Variants in NBEA observed in about 807,000 individuals in gnomAD.
NBEA encodes lysosomal-trafficking regulator 2.
NBEA carries 44 observed loss-of-function variants against 343.4 expected under a neutral mutation model. That is an observed-to-expected ratio of 0.13 (90% confidence interval 0.10 to 0.16). The LOEUF (loss-of-function observed/expected upper bound fraction) is 0.16, where lower values mean the gene tolerates loss of function less well. Ranked by LOEUF, NBEA falls within the 10% of genes least tolerant of loss-of-function variation. The pLI is 1.00. For missense variants in NBEA, 2,555 were observed against 3,631.3 expected, an observed-to-expected ratio of 0.70 and a Z score of 7.62; for synonymous variants, 1,175 against 1,238.7, an observed-to-expected ratio of 0.95 and a Z score of 1.08.
At chr13:35,475,300 T>C (rs1284335390) in intron 41 of NBEA, 1 of 1,613,970 alleles carries the variant, frequency 6.2e-7, no homozygotes. Context: ...TTCACACTCG[T>C]AGGAAACCAG....
intron 1 of NBEA, among the ~76,000 whole-genome samples, chr13:35,037,038 T>C (rs1341651784): frequency 6.6e-6 from 1 of 152,172 alleles, no homozygotes; most frequent in Non-Finnish European, 1.5e-5. Flanking sequence ...ACCTCTTAGA[T>C]TTGCCCTTTT....
At chr13:35,191,726 G>T (rs547462652) in intron 30 of NBEA, among the ~76,000 whole-genome samples, 39 of 151,972 alleles carry the variant, frequency 2.6e-4, no homozygotes, top group African/African-American at 8.9e-4. Context: ...TATTTGAAGT[G>T]CCAAAGCTTA....
chr13:34,946,414 A>G (rs1466773161), intron 1 of NBEA, among the ~76,000 whole-genome samples: 1 of 152,136 alleles, frequency 6.6e-6, no homozygotes, highest in Non-Finnish European at 1.5e-5. Context: ...TGCTTATAAC[A>G]TGGAAGTTTC....
intron 38 of NBEA, among the ~76,000 whole-genome samples, chr13:35,416,707 TTG>T (rs1390143491): frequency 6.6e-6 from 1 of 152,150 alleles, no homozygotes; most frequent in Non-Finnish European, 1.5e-5. Flanking sequence ...CTCTTTTTTG[TTG>T]TGTGTCTGCC....
chr13:35,518,634 C>T (rs1360191867), intron 41 of NBEA, among the ~76,000 whole-genome samples: 1 of 152,164 alleles, frequency 6.6e-6, no homozygotes, highest in Non-Finnish European at 1.5e-5. Context: ...ACTTGTTAAA[C>T]TTAGGGAAAG....
rs1029632249 is a variant in NBEA, at chr13:35,593,348, C to T, written c.7197C>T (p.Phe2399=). 1.9e-6 allele frequency: 3 copies of T among 1,612,642 alleles called. No individual in the cohort carries two copies. Among genetic ancestry groups the T allele is most frequent in the Admixed American group, 3.3e-5 (2 of 59,914 alleles). Reference sequence around the variant, plus strand: ...CTTAGGAACCTTTCACAACCTTCTTCCTCAATGCAAATGATGGAAAATTTG... The same window carrying T: ...CTTAGGAACCTTTCACAACCTTCTTTCTCAATGCAAATGATGGAAAATTTG... ...LVRIEPFTTF[F]LNANDGKFDH... is the part of the protein sequence containing the mutation. The change falls in exon 47 of 59, where the codon TTC becomes TTT. Residue 2399 remains phenylalanine, a synonymous_variant. Coordinates refer to ENST00000379939, the MANE Select transcript of NBEA (RefSeq NM_001385012.1).
chr13:35,244,952 A>G (rs1389559852), intron 34 of NBEA, among the ~76,000 whole-genome samples: 3 of 152,052 alleles, frequency 2.0e-5, no homozygotes, highest in Non-Finnish European at 2.9e-5. Flanking sequence ...CATTAACTTT[A>G]TATACTGAAA....
chr13:35,475,641 G>A, intron 41 of NBEA: 1 of 1,613,802 alleles, frequency 6.2e-7, no homozygotes, highest in Non-Finnish European at 8.5e-7. Flanking sequence ...TCTGCACCAC[G>A]TACCTATCTC....
In NBEA at chr13:34,943,065, A is replaced by C; in HGVS notation, c.245A>C (p.Gln82Pro). ...TTCGCAGTGTTGATTGGACTCATAC[A>C]GGTCGGAGAGGTCAGCAACAGGGAC... ...MKFAVLIGLI[Q>P]VGEVSNRDIV... Residue 82 changes from glutamine (Q) to proline (P), a missense_variant, in exon 1 of 59, where the codon CAG becomes CCG. Physicochemically the swap from Gln to Pro is moderately conservative, Grantham distance 76 (BLOSUM62 -1). Coordinates refer to ENST00000379939, the MANE Select transcript of NBEA (RefSeq NM_001385012.1). 6.2e-7 allele frequency: 1 copy of C among 1,613,672 alleles called. No homozygotes were observed. The highest frequency in any genetic ancestry group is 8.5e-7 in the Non-Finnish European group (1 of 1,179,754).
intron 36 of NBEA, among the ~76,000 whole-genome samples, chr13:35,329,344 T>G (rs926861556): frequency 6.7e-6 from 1 of 149,854 alleles, no homozygotes; most frequent in Non-Finnish European, 1.5e-5. Context: ...GCCTAGGTAT[T>G]TGCCCAAGAG....
intron 38 of NBEA, among the ~76,000 whole-genome samples, chr13:35,398,941 C>G (rs921373022): frequency 2.6e-5 from 4 of 152,150 alleles, no homozygotes; most frequent in Admixed American, 1.3e-4. Context: ...AAGGCTGTTT[C>G]ATCTACATTG....
At chr13:35,422,325 T>A (rs868772458) in intron 38 of NBEA, among the ~76,000 whole-genome samples, 31 of 114,054 alleles carry the variant, frequency 2.7e-4, no homozygotes, top group African/African-American at 9.6e-4. Context: ...CAGTCCCCAG[T>A]GTGTGATGTT....
chr13:35,223,756 A>G (rs1477565098), intron 33 of NBEA, among the ~76,000 whole-genome samples: 10 of 152,176 alleles, frequency 6.6e-5, no homozygotes, highest in Admixed American at 1.3e-4. Context: ...TTCTATTGCT[A>G]GAATAACACG....
intron 41 of NBEA, among the ~76,000 whole-genome samples, chr13:35,516,394 C>T (rs1392106046): frequency 6.6e-6 from 1 of 151,912 alleles, no homozygotes; most frequent in African/African-American, 2.4e-5. Flanking sequence ...TCTAGTAATG[C>T]TATATTTTAT....
intron 34 of NBEA, among the ~76,000 whole-genome samples, chr13:35,263,535 A>G (rs2033398096): frequency 6.6e-6 from 1 of 152,126 alleles, no homozygotes; most frequent in Admixed American, 6.6e-5. Flanking sequence ...ATCACAAAAC[A>G]AGTCTTAACA....
intron 31 of NBEA, among the ~76,000 whole-genome samples, chr13:35,201,418 G>T (rs185807471): frequency 1.3e-5 from 2 of 151,984 alleles, no homozygotes; most frequent in Non-Finnish European, 2.9e-5. Context: ...CATCATGAGA[G>T]CATTCACCTT....
Position 35,420,781 on chromosome 13 carries a change from G to A in NBEA, c.6180-11488G>A, listed in dbSNP as rs2044221973. ...TTCTTCTAAGCTGCCAAATTTATGT[G>A]TGTAGAGTCTTTCACAGTATCCACT... On this transcript the variant is annotated intron_variant, in intron 38 of 58. Transcript: ENST00000379939. Among the ~76,000 whole-genome samples, 3 of 152,020 alleles carry A rather than the reference G, an allele frequency of 2.0e-5. No individual in the cohort carries two copies. The South Asian group carries it at 6.2e-4, about 32-fold the overall frequency.
intron 1 of NBEA, among the ~76,000 whole-genome samples, chr13:34,970,420 G>T (rs987012369): frequency 6.6e-6 from 1 of 151,878 alleles, no homozygotes; most frequent in Non-Finnish European, 1.5e-5. Flanking sequence ...TTTTGTTGCA[G>T]TTGCTTTTGG....
At chr13:35,158,923 T>C in intron 21 of NBEA, 93 bp from the exon 22 acceptor site, 1 of 1,168,540 alleles carries the variant, frequency 8.6e-7, no homozygotes, top group Non-Finnish European at 1.2e-6. Flanking sequence ...TCTGGCATTA[T>C]TTTTTCTATT....
Sources: allele counts gnomAD v4.1 joint callset (sites outside exome capture counted in the v4.1 genomes callset), GRCh38; gene constraint gnomAD v4.1.1; transcripts MANE v1.5; gene names NCBI Gene and HGNC (gene_info 2026-07-23, HGNC 2026-07-21).